GRM1: variants seen among roughly 807,000 people sequenced by gnomAD.
GRM1 encodes glutamate metabotropic receptor 1.
GRM1 carries 33 observed loss-of-function variants against 90.9 expected under a neutral mutation model. The ratio of observed to expected loss-of-function variants is 0.36; its 90% CI spans 0.28 to 0.49. GRM1 has a LOEUF of 0.49. Among genes scored for constraint, GRM1 ranks in the 20% least tolerant of loss-of-function variants. The pLI is 0.99. For synonymous variants in GRM1, 700 were observed against 613.2 expected (o/e 1.14, Z -2.09); for missense variants, 1,190 against 1,534.3 (o/e 0.78, Z 3.75).
chr6:146,286,760 C>A (rs1782780046), intron 2 of GRM1, among the ~76,000 whole-genome samples: 1 of 152,184 alleles, frequency 6.6e-6, no homozygotes, highest in African/African-American at 2.4e-5. Flanking sequence ...ACATTGATGA[C>A]CTCCACAAGT....
At chr6:146,285,102 T>C (rs1024654729) in intron 2 of GRM1, among the ~76,000 whole-genome samples, 5 of 152,174 alleles carry the variant, frequency 3.3e-5, no homozygotes, top group African/African-American at 1.2e-4. Context: ...TCTAGACAAA[T>C]TTCTATTGGA....
At chr6:146,296,942 C>T (rs1029558818) in intron 2 of GRM1, among the ~76,000 whole-genome samples, 4 of 152,176 alleles carry the variant, frequency 2.6e-5, no homozygotes, top group South Asian at 2.1e-4. Flanking sequence ...TTTCACATCA[C>T]CAGATGGGTG....
intron 3 of GRM1, among the ~76,000 whole-genome samples, chr6:146,343,612 C>T (rs1420877663): frequency 6.6e-6 from 1 of 151,254 alleles, no homozygotes; most frequent in Non-Finnish European, 1.5e-5. Flanking sequence ...GCTCTTGTGT[C>T]CCTTTGACAT....
At chr6:146,189,843 C>A (rs1778876774) in intron 2 of GRM1, among the ~76,000 whole-genome samples, 1 of 152,120 alleles carries the variant, frequency 6.6e-6, no homozygotes, top group South Asian at 2.1e-4. Flanking sequence ...CTGCTAATAA[C>A]ACATATAATT....
At chr6:146,148,074 A>T (rs1005533031) in intron 1 of GRM1, among the ~76,000 whole-genome samples, 1 of 152,152 alleles carries the variant, frequency 6.6e-6, no homozygotes, top group African/African-American at 2.4e-5. Flanking sequence ...TCACTACAAC[A>T]TTAGTATTTC....
At chr6:146,145,036 A>G (rs893595505) in intron 1 of GRM1, among the ~76,000 whole-genome samples, 9 of 152,226 alleles carry the variant, frequency 5.9e-5, no homozygotes, top group African/African-American at 9.7e-5. Context: ...ATGATCTAGA[A>G]TATCTGTCAG....
chr6:146,222,432 T>G (rs534032295), intron 2 of GRM1, among the ~76,000 whole-genome samples: 3 of 152,044 alleles, frequency 2.0e-5, no homozygotes, highest in Non-Finnish European at 4.4e-5. Flanking sequence ...TGTGCATGTG[T>G]GCAAAATCCC....
intron 1 of GRM1, among the ~76,000 whole-genome samples, chr6:146,062,492 C>CAATAAAATAA (rs55760038): frequency 2.6e-4 from 38 of 145,730 alleles, no homozygotes; most frequent in African/African-American, 9.3e-4. Context: ...TAAAGTATAA[C>CAATAAAATAA]AATAAAATAA....
chr6:146,341,683 C>T (rs362834), intron 3 of GRM1, among the ~76,000 whole-genome samples: 36,012 of 152,140 alleles, frequency 0.24, 9,578 homozygotes, highest in African/African-American at 0.66. Flanking sequence ...TCAACAGAAA[C>T]ATTGGCCCAG....
intron 1 of GRM1, among the ~76,000 whole-genome samples, chr6:146,125,189 A>G (rs1357060668): frequency 6.6e-6 from 1 of 152,130 alleles, no homozygotes; most frequent in African/African-American, 2.4e-5. Flanking sequence ...AAAAAAATGG[A>G]GTAGACGAAA....
intron 7 of GRM1, among the ~76,000 whole-genome samples, chr6:146,412,215 A>G (rs1777595433): frequency 6.6e-6 from 1 of 152,180 alleles, no homozygotes; most frequent in Admixed American, 6.5e-5. Context: ...GCATGTGACA[A>G]TCTTACTTCA....
At chr6:146,285,281 G>A (rs1782717307) in intron 2 of GRM1, among the ~76,000 whole-genome samples, 1 of 152,090 alleles carries the variant, frequency 6.6e-6, no homozygotes, top group African/African-American at 2.4e-5. Context: ...TCCACCTGTT[G>A]CTTGAGTCAG....
intron 5 of GRM1, among the ~76,000 whole-genome samples, chr6:146,379,251 C>T (rs372251178): frequency 1.4e-4 from 21 of 152,090 alleles, no homozygotes; most frequent in East Asian, 3.9e-4. Flanking sequence ...TCTGTAGGTG[C>T]GCTTTATTGT....
chr6:146,415,519 G>A (rs1441731569), intron 7 of GRM1, among the ~76,000 whole-genome samples: 2 of 151,994 alleles, frequency 1.3e-5, no homozygotes, highest in South Asian at 4.1e-4. Flanking sequence ...CTGAACATAC[G>A]TTTAGTCCTG....
At chr6:146,075,220 C>T (rs1776144611) in intron 1 of GRM1, among the ~76,000 whole-genome samples, 1 of 152,136 alleles carries the variant, frequency 6.6e-6, no homozygotes, top group Non-Finnish European at 1.5e-5. Flanking sequence ...ACAAAGCAAA[C>T]TCACAGCACA....
chr6:146,327,282 T>C (rs1784427576), intron 3 of GRM1, among the ~76,000 whole-genome samples: 1 of 152,148 alleles, frequency 6.6e-6, no homozygotes, highest in Admixed American at 6.6e-5. Flanking sequence ...TAATAAGGGT[T>C]ACGTAAAATC....
At chr6:146,425,630 C>T (rs900465204) in intron 7 of GRM1, among the ~76,000 whole-genome samples, 2 of 152,186 alleles carry the variant, frequency 1.3e-5, no homozygotes, top group Non-Finnish European at 2.9e-5. Context: ...GCCAGAGTCC[C>T]CTGACATGAG....
chr6:146,195,373 T>A (rs1468465174), intron 2 of GRM1, among the ~76,000 whole-genome samples: 2 of 152,212 alleles, frequency 1.3e-5, no homozygotes, highest in Admixed American at 6.5e-5. Flanking sequence ...AGGAGAAAAC[T>A]TTTCACCTAT....
At chr6:146,138,334 A>G (rs552543102) in intron 1 of GRM1, among the ~76,000 whole-genome samples, 1 of 152,102 alleles carries the variant, frequency 6.6e-6, no homozygotes, top group Non-Finnish European at 1.5e-5. Flanking sequence ...TCGTCCTTCT[A>G]TACTCAGTTT....
Sources: allele counts gnomAD v4.1 joint callset (sites outside exome capture counted in the v4.1 genomes callset), GRCh38; gene constraint gnomAD v4.1.1; transcripts MANE v1.5; gene names NCBI Gene and HGNC (gene_info 2026-07-23, HGNC 2026-07-21).